SIDT1: variants seen among roughly 807,000 people sequenced by gnomAD.
The protein encoded by SIDT1 is SID1 transmembrane family, member 1.
SIDT1 carries 101 observed loss-of-function variants against 107.5 expected under a neutral mutation model. The ratio of observed to expected loss-of-function variants is 0.94; its 90% confidence interval spans 0.80 to 1.11. The LOEUF is 1.11. SIDT1 is among the 50% of genes least tolerant of loss of function. The pLI, the probability that SIDT1 is intolerant of heterozygous loss-of-function variation, is 0.00. For synonymous variants in SIDT1, 395 were observed against 398.2 expected, an observed-to-expected ratio of 0.99 and a Z score of 0.10; for missense variants, 1,076 against 1,058.2, an observed-to-expected ratio of 1.02 and a Z score of -0.23.
rs189766269 is a variant in SIDT1, at chr3:113,601,754, G to A, written c.1117+95G>A. The A allele has an allele frequency of 1.2e-3, 933 of 780,502 alleles. 6 individuals are homozygous for A. In the African/African-American group the frequency reaches 0.013, roughly 11 times the overall value. 48.3% of individuals were successfully genotyped at this position (780,502 alleles called of 1,614,324 possible). ...CAGCCACTAATAACTGGGAATGTGGGCAAAGCAGCTATCCTATGAGATTGT... is the reference window on the plus strand; with the variant it reads ...CAGCCACTAATAACTGGGAATGTGGACAAAGCAGCTATCCTATGAGATTGT... On this transcript the variant is annotated intron_variant, in intron 11 of 24. Coordinates refer to ENST00000264852, the MANE Select transcript of SIDT1 (RefSeq NM_017699.3).
At chr3:113,610,780 T>C (rs1201066617) in intron 17 of SIDT1, among the ~76,000 whole-genome samples, 2 of 152,320 alleles carry the variant, frequency 1.3e-5, no homozygotes, top group Non-Finnish European at 2.9e-5. Context: ...GTTTTTCTTC[T>C]GTGAACTAAA....
chr3:113,601,091 T>C (rs529754022), intron 10 of SIDT1, among the ~76,000 whole-genome samples: 29 of 152,338 alleles, frequency 1.9e-4, no homozygotes, highest in African/African-American at 6.7e-4. Flanking sequence ...ATTGCATTAG[T>C]CCTTATAATT....
At chr3:113,636,358 G>T in the SIDT1 span, among the ~76,000 whole-genome samples, 1 of 151,998 alleles carries the variant, frequency 6.6e-6, no homozygotes, top group Non-Finnish European at 1.5e-5. Flanking sequence ...AGCTGAGATC[G>T]CACCACTGCA....
chr3:113,604,414 C>T (rs1179965918), intron 13 of SIDT1, among the ~76,000 whole-genome samples: 1 of 152,218 alleles, frequency 6.6e-6, no homozygotes, highest in African/African-American at 2.4e-5. Context: ...TTGGAAACCA[C>T]ACCCTTTCAC....
rs1943653154 is a variant in SIDT1, at chr3:113,585,195, C to A, written c.926C>A (p.Ser309Tyr). 6.2e-7 allele frequency: 1 copy of A among 1,613,252 alleles called. No homozygotes were observed. The highest frequency in any genetic ancestry group is 1.3e-5 in the African/African-American group (1 of 74,868). The change falls in exon 9 of 25, where the codon TCC becomes TAC. Residue 309 changes from serine (S) to tyrosine (Y), a missense_variant. Transcript: ENST00000264852. ...CCTTCAGAATCTGTTTATGTGAAAT[C>A]CAGTCTTTTCAGTGTCTTCATCTTC... Reference protein sequence around the residue: ...PSIKESVYVKSSLFSVFIFLS... With the variant: ...PSIKESVYVKYSLFSVFIFLS...
chr3:113,552,895 C>T (rs1413385965), intron 1 of SIDT1, among the ~76,000 whole-genome samples: 2 of 152,122 alleles, frequency 1.3e-5, no homozygotes, highest in African/African-American at 4.8e-5. Context: ...GTAGTTCCTC[C>T]AGAACATGCA....
intron 10 of SIDT1, among the ~76,000 whole-genome samples, chr3:113,593,746 TAC>T: frequency 6.6e-6 from 1 of 152,204 alleles, no homozygotes; most frequent in Admixed American, 6.5e-5. Context: ...ATACATGGTT[TAC>T]TTTTTCCCAA....
intron 20 of SIDT1, among the ~76,000 whole-genome samples, chr3:113,616,399 T>C (rs1419509299): frequency 1.3e-5 from 2 of 152,126 alleles, no homozygotes; most frequent in East Asian, 1.9e-4. Flanking sequence ...TTTGCTAGTA[T>C]ATTAAAAAAG....
chr3:113,603,368 G>A (rs1355066984), intron 12 of SIDT1, among the ~76,000 whole-genome samples: 2 of 151,976 alleles, frequency 1.3e-5, no homozygotes, highest in Non-Finnish European at 2.9e-5. Context: ...AAGAGCACAG[G>A]GCATTAAAAC....
intron 11 of SIDT1, 133 bp downstream of exon 11, chr3:113,601,792 A>T: frequency 3.5e-6 from 2 of 577,446 alleles, no homozygotes; most frequent in Non-Finnish European, 6.0e-6. Flanking sequence ...TTTATTTGTA[A>T]GATGAGTTGC....
chr3:113,622,463 CAAAAAAAAAAAAA>C (rs765265068), intron 21 of SIDT1, among the ~76,000 whole-genome samples: 6 of 57,976 alleles, frequency 1.0e-4, no homozygotes, highest in East Asian at 1.1e-3. Context: ...GACTCCATCT[CAAAAAAAAAAAAA>C]AAAAAAAAAA....
chr3:113,532,986 G>T lies in SIDT1; in HGVS notation c.-36G>T, dbSNP rs1192526409. On this transcript the variant is annotated 5_prime_UTR_variant, in exon 1 of 25. Transcript: ENST00000264852. Reference sequence around the variant, plus strand: ...TCTCTGCGCTCGCCCCCTCCCCAGGGTGGCTCCGCTTTCGAGCCCGGGCGC... The same window carrying T: ...TCTCTGCGCTCGCCCCCTCCCCAGGTTGGCTCCGCTTTCGAGCCCGGGCGC... The T allele has an allele frequency of 6.9e-6, 9 of 1,311,986 alleles. No individual in the cohort carries two copies. The highest frequency in any genetic ancestry group is 6.8e-6 in the Non-Finnish European group (7 of 1,027,478). The allele number at this position is 1,311,986 out of a possible 1,614,324, so 81.3% of individuals were successfully genotyped here.
chr3:113,612,501 A>G, intron 19 of SIDT1: 2 of 474,578 alleles, frequency 4.2e-6, no homozygotes, highest in Non-Finnish European at 8.2e-6. Flanking sequence ...GACTTGTATT[A>G]GAGAATGGTA....
rs912667351 is a variant in SIDT1, at chr3:113,566,419, G to A, written c.223-1G>A. 1.9e-6 allele frequency: 3 copies of A among 1,613,652 alleles called. No homozygotes were observed. Among genetic ancestry groups the A allele is most frequent in the Non-Finnish European group, 2.5e-6 (3 of 1,179,744 alleles). On this transcript the variant is annotated splice_acceptor_variant, in intron 1 of 24. Coordinates refer to ENST00000264852, the MANE Select transcript of SIDT1 (RefSeq NM_017699.3). LOFTEE classifies it high-confidence loss of function. ...TTACCTCTTTCTACCCTGCCATGCA[G>A]GTGACAGCCGTGAGGGTGTATGTGA...
At chr3:113,597,403 A>G (rs999349092) in intron 10 of SIDT1, among the ~76,000 whole-genome samples, 1 of 148,034 alleles carries the variant, frequency 6.8e-6, no homozygotes, top group Non-Finnish European at 1.5e-5. Flanking sequence ...AGGCTGAGGC[A>G]GGGGAATCAC....
At chr3:113,569,125 T>G (rs1942206402) in intron 3 of SIDT1, among the ~76,000 whole-genome samples, 4 of 107,126 alleles carry the variant, frequency 3.7e-5, no homozygotes, top group Admixed American at 1.3e-4. Flanking sequence ...GGTGAAGGAG[T>G]GAGACTCCCT....
intron 10 of SIDT1, among the ~76,000 whole-genome samples, chr3:113,595,402 G>A (rs761952805): frequency 8.6e-5 from 13 of 151,990 alleles, no homozygotes; most frequent in Admixed American, 1.3e-4. Flanking sequence ...GTAAGACTTC[G>A]TCTTCATAAA....
intron 9 of SIDT1, among the ~76,000 whole-genome samples, chr3:113,592,133 T>C (rs943595404): frequency 6.6e-6 from 1 of 152,086 alleles, no homozygotes; most frequent in Non-Finnish European, 1.5e-5. Flanking sequence ...TTCTAGGGGA[T>C]GGGGAGTGGG....
intron 18 of SIDT1, 29 bp downstream of exon 18, chr3:113,611,173 T>C: frequency 6.2e-7 from 1 of 1,609,232 alleles, no homozygotes; most frequent in Admixed American, 1.7e-5. Flanking sequence ...TCCACCTGGC[T>C]CTCGAAAAGT....
Sources: allele counts gnomAD v4.1 joint callset (sites outside exome capture counted in the v4.1 genomes callset), GRCh38; gene constraint gnomAD v4.1.1; transcripts MANE v1.5; gene names NCBI Gene and HGNC (gene_info 2026-07-23, HGNC 2026-07-21).